Variants in GSAP observed in about 807,000 individuals in gnomAD.
GSAP encodes the protein gamma-secretase activating protein, also known as gamma-secretase-activating protein.
Under a neutral mutation model 131.7 loss-of-function variants are expected in GSAP, and 118 were observed. The ratio of observed to expected loss-of-function variants is 0.90; its 90% CI spans 0.77 to 1.04. The LOEUF is 1.04. Ranked by LOEUF, GSAP falls within the 50% of genes least tolerant of loss-of-function variation. GSAP has a pLI of 0.00. For synonymous variants in GSAP, 381 were observed against 363.4 expected, an observed-to-expected ratio of 1.05 and a Z score of -0.55; for missense variants, 1,019 against 1,013.2, an observed-to-expected ratio of 1.01 and a Z score of -0.08.
chr7:77,330,901 A>G (rs1046067340), intron 19 of GSAP: 25 of 962,100 alleles, frequency 2.6e-5, no homozygotes, highest in Non-Finnish European at 3.1e-5. Flanking sequence ...CACATACACC[A>G]AAACAGAATT....
chr7:77,373,318 T>C (rs1479699697), intron 12 of GSAP, among the ~76,000 whole-genome samples: 1 of 152,220 alleles, frequency 6.6e-6, no homozygotes, highest in Non-Finnish European at 1.5e-5. Flanking sequence ...TAGCAAACAG[T>C]AAGTCCTCAG....
intron 1 of GSAP, among the ~76,000 whole-genome samples, chr7:77,412,776 CAAA>C (rs34619648): frequency 2.4e-3 from 269 of 110,650 alleles, no homozygotes; most frequent in African/African-American, 8.1e-3. Context: ...ACCAGTTTGA[CAAA>C]AAAAAAAAAA....
chr7:77,314,624 A>G, intron 26 of GSAP, 135 bp from the exon 27 acceptor site: 1 of 896,186 alleles, frequency 1.1e-6, no homozygotes, highest in Non-Finnish European at 1.7e-6. Flanking sequence ...TCTTGAAAAC[A>G]AGGTCCAAGT....
chr7:77,382,682 C>G, intron 6 of GSAP, 39 bp from the exon 7 acceptor site: 5 of 1,091,270 alleles, frequency 4.6e-6, no homozygotes, highest in Non-Finnish European at 7.1e-6. Context: ...AAGCAACTAT[C>G]TTGCTTGAAC....
intron 5 of GSAP, among the ~76,000 whole-genome samples, chr7:77,390,946 TAAAAAAAAAAA>T (rs71085453): frequency 1.6e-4 from 6 of 37,940 alleles, no homozygotes; most frequent in South Asian, 5.3e-4. Flanking sequence ...AGACTCCGTC[TAAAAAAAAAAA>T]AAAAAAAAAA....
chr7:77,363,964 A>G (rs1230014201), intron 12 of GSAP, among the ~76,000 whole-genome samples: 1 of 152,214 alleles, frequency 6.6e-6, no homozygotes, highest in Non-Finnish European at 1.5e-5. Context: ...GACTGCTTTC[A>G]TACAGTAAAC....
In GSAP at chr7:77,385,580, G is replaced by C. The variant is rs1798445946; in HGVS notation, c.456+1780C>G. On this transcript the variant is annotated intron_variant, in intron 6 of 30. Coordinates refer to ENST00000257626, the MANE Select transcript of GSAP (RefSeq NM_017439.4). ...AAAGAACAGACCAGAAAAGAGAAGT[G>C]TGCTCTGTCCCCAGCCTCCCCACAT... 3.3e-5 allele frequency among the ~76,000 whole-genome samples: 5 copies of C among 152,280 alleles called. No homozygotes were observed. In the South Asian group the frequency reaches 1.0e-3, roughly 32 times the overall value.
At chr7:77,337,935 G>A (rs1037098975) in intron 19 of GSAP, among the ~76,000 whole-genome samples, 5 of 151,950 alleles carry the variant, frequency 3.3e-5, no homozygotes, top group African/African-American at 9.7e-5. Flanking sequence ...ATGATCCCTC[G>A]AGGCCAGGAG....
In GSAP at chr7:77,355,385, G is replaced by A. The variant is rs747613607; in HGVS notation, c.1166C>T (p.Ser389Leu). 14 of 1,611,050 alleles carry A rather than the reference G, an allele frequency of 8.7e-6. No homozygotes were observed. The East Asian group carries it at 3.1e-4, about 36-fold the overall frequency. The change falls in exon 16 of 31, where the codon TCA (serine) becomes TTA (leucine). Residue 389 changes from serine to leucine, a missense_variant. Physicochemically the swap from Ser to Leu is moderately radical, Grantham distance 145. Transcript: ENST00000257626. Reference protein sequence around the residue: ...IDMLPHCPLQSLSGSLVLDCC... With the variant: ...IDMLPHCPLQLLSGSLVLDCC... ...ATCCAATACCAGGGACCCTGACAATGACTGTAAAGGGCAATGAGGTAGCAT... is the reference window on the plus strand; with the variant it reads ...ATCCAATACCAGGGACCCTGACAATAACTGTAAAGGGCAATGAGGTAGCAT...
At chr7:77,321,074 CCT>C (rs1308474947) in intron 25 of GSAP, among the ~76,000 whole-genome samples, 1 of 152,202 alleles carries the variant, frequency 6.6e-6, no homozygotes, top group Non-Finnish European at 1.5e-5. Flanking sequence ...TTGTCCCTCC[CCT>C]GTCACCAACC....
chr7:77,402,618 A>AAAAAAAAAAT, intron 3 of GSAP, among the ~76,000 whole-genome samples: 1 of 131,740 alleles, frequency 7.6e-6, no homozygotes, highest in Non-Finnish European at 1.6e-5. Context: ...AAAAAAAAAG[A>AAAAAAAAAAT]ATTTTAAAGC....
In GSAP at chr7:77,368,661, GCTTA is replaced by G. The variant is rs371500432; in HGVS notation, c.871+5405_871+5408del. Among the ~76,000 whole-genome samples the G allele has an allele frequency of 1.7e-4, 26 of 152,278 alleles. No homozygotes were observed. The East Asian group carries it at 3.1e-3, about 18-fold the overall frequency. The stretch of plus-strand genomic sequence containing the variant: ...GATTTGGATGTGAGTCCTGCTTTTG[GCTTA>G]CTAAGTCTATTGCCTCAGGCAAGTT... On this transcript the variant is annotated intron_variant, in intron 12 of 30. Transcript: ENST00000257626.
intron 6 of GSAP, among the ~76,000 whole-genome samples, chr7:77,383,824 A>G (rs1033922980): frequency 5.3e-5 from 8 of 152,168 alleles, no homozygotes; most frequent in Non-Finnish European, 8.8e-5. Context: ...TTATGTCCCA[A>G]TCTCCGAGTC....
At chr7:77,313,422 C>T (rs986954546) in intron 28 of GSAP, 66 bp downstream of exon 28, 2 of 810,566 alleles carry the variant, frequency 2.5e-6, no homozygotes, top group African/African-American at 3.5e-5. Flanking sequence ...GCTCTTTTTG[C>T]AAGAAGAAAT....
intron 5 of GSAP, among the ~76,000 whole-genome samples, chr7:77,394,299 C>T (rs919116731): frequency 1.3e-5 from 2 of 152,164 alleles, no homozygotes; most frequent in Non-Finnish European, 2.9e-5. Flanking sequence ...TTGTTCACTC[C>T]ACTCATCTCA....
chr7:77,382,533 CATTCATG>C (rs1797952455), intron 7 of GSAP, 34 bp downstream of exon 7: 1 of 1,001,704 alleles, frequency 1.0e-6, no homozygotes, highest in African/African-American at 1.6e-5. Context: ...GACGATATGC[CATTCATG>C]AAATTCCCAT....
chr7:77,345,572 A>T (rs112001657), intron 19 of GSAP, among the ~76,000 whole-genome samples: 14,669 of 152,266 alleles, frequency 0.096, 836 homozygotes, highest in South Asian at 0.25. Context: ...TTCTGCCTTA[A>T]CTGATGACAT....
intron 6 of GSAP, among the ~76,000 whole-genome samples, chr7:77,383,443 G>A (rs1395723218): frequency 2.0e-5 from 3 of 152,076 alleles, no homozygotes; most frequent in African/African-American, 4.8e-5. Context: ...ACATCCAAGA[G>A]ACAAAGCACA....
At chr7:77,381,001 C>T (rs1368079957) in intron 8 of GSAP, among the ~76,000 whole-genome samples, 2 of 152,002 alleles carry the variant, frequency 1.3e-5, no homozygotes, top group Non-Finnish European at 2.9e-5. Flanking sequence ...AATTGAATCC[C>T]CACATATGTG....
Sources: gnomAD v4.1 joint callset for allele counts (sites outside exome capture counted in the v4.1 genomes callset) on GRCh38, gnomAD v4.1.1 for gene constraint, MANE v1.5 for transcripts, NCBI Gene and HGNC (gene_info 2026-07-23, HGNC 2026-07-21) for gene names.